CLTA: variants seen among roughly 807,000 people sequenced by gnomAD.
The protein encoded by CLTA is clathrin, light polypeptide (Lca).
CLTA carries 9 observed loss-of-function variants against 26.9 expected under a neutral mutation model. The ratio of observed to expected loss-of-function variants is 0.33; its 90% CI spans 0.20 to 0.58. The LOEUF (loss-of-function observed/expected upper bound fraction) is 0.58. Ranked by LOEUF, CLTA falls within the 20% of genes least tolerant of loss-of-function variation. The pLI, the probability that CLTA is intolerant of heterozygous loss-of-function variation, is 0.85. For missense variants in CLTA, 278 were observed against 294.2 expected (o/e 0.94, Z 0.40); for synonymous variants, 120 against 115.5 (o/e 1.04, Z -0.25).
intron 3 of CLTA, among the ~76,000 whole-genome samples, chr9:36,200,428 A>T (rs960594305): frequency 2.0e-5 from 3 of 152,256 alleles, no homozygotes; most frequent in South Asian, 2.1e-4. Flanking sequence ...TCCTAGAAAT[A>T]ATGACATTCT....
Position 36,191,214 on chromosome 9 carries a change from C to G in CLTA, c.158C>G (p.Ala53Gly). 3.2e-6 allele frequency: 5 copies of G among 1,558,316 alleles called. No homozygotes were observed. The highest frequency in any genetic ancestry group is 4.3e-6 in the Non-Finnish European group (5 of 1,155,820). ...IAGIENDEAF[A>G]ILDGGAPGPQ... ...GGCATCGAGAACGACGAGGCCTTCG[C>G]CATCCTGGACGGCGGCGCCCCCGGG... Residue 53 changes from alanine to glycine, a missense_variant, in exon 1 of 5, where the codon GCC becomes GGC. Ala to Gly is a moderately conservative substitution (Grantham distance 60, BLOSUM62 0). Transcript: ENST00000345519.
At position 36,192,062 on chromosome 9, in the gene CLTA, T is replaced by TA. The variant is rs144757146; in HGVS notation, c.217+791dup. On this transcript the variant is annotated intron_variant, in intron 1 of 4. Coordinates refer to ENST00000345519, the MANE Select transcript of CLTA (RefSeq NM_001833.4). Reference sequence around the variant, plus strand: ...ATGGCAGTTTGACCTTTGGATGCCTTAACCTGTGTGTGATGCTTAGGATCA... The same window carrying TA: ...ATGGCAGTTTGACCTTTGGATGCCTTAAACCTGTGTGTGATGCTTAGGATCA... 2.3e-4 allele frequency among the ~76,000 whole-genome samples: 35 copies of TA among 152,314 alleles called. No homozygotes were observed. The East Asian group carries it at 5.6e-3, about 24-fold the overall frequency.
At chr9:36,197,099 CA>C (rs1486050295) in intron 1 of CLTA, among the ~76,000 whole-genome samples, 3 of 152,172 alleles carry the variant, frequency 2.0e-5, no homozygotes, top group African/African-American at 7.2e-5. Flanking sequence ...CGCTTGAGCC[CA>C]AAAGGTCGAG....
intron 4 of CLTA, among the ~76,000 whole-genome samples, chr9:36,210,398 T>C (rs914838765): frequency 1.2e-4 from 18 of 152,284 alleles, no homozygotes; most frequent in African/African-American, 3.8e-4. Context: ...AGGTGGTGTT[T>C]GATTTGATTT....
chr9:36,191,513 G>A (rs1826718415), intron 1 of CLTA, among the ~76,000 whole-genome samples: 1 of 152,156 alleles, frequency 6.6e-6, no homozygotes, highest in South Asian at 2.1e-4. Context: ...GTGTAGGGTG[G>A]CAGGCTCCGG....
chr9:36,209,821 G>A (rs1221613276), intron 4 of CLTA, among the ~76,000 whole-genome samples: 1 of 152,204 alleles, frequency 6.6e-6, no homozygotes, highest in Non-Finnish European at 1.5e-5. Context: ...AAACAATGTG[G>A]GGTCGTTTGC....
At chr9:36,195,334 A>G (rs1563907045) in intron 1 of CLTA, among the ~76,000 whole-genome samples, 1 of 152,246 alleles carries the variant, frequency 6.6e-6, no homozygotes, top group Non-Finnish European at 1.5e-5. Context: ...ACCATAAACC[A>G]AATCAAAAGA....
At chr9:36,203,085 G>A (rs1331263264) in intron 3 of CLTA, among the ~76,000 whole-genome samples, 8 of 151,940 alleles carry the variant, frequency 5.3e-5, no homozygotes, top group Admixed American at 2.0e-4. Context: ...CACCTGCCTC[G>A]GCCTCCCAAA....
intron 3 of CLTA, among the ~76,000 whole-genome samples, chr9:36,200,471 C>CATA (rs1827342962): frequency 6.6e-6 from 1 of 152,100 alleles, no homozygotes; most frequent in African/African-American, 2.4e-5. Flanking sequence ...AGTATTATTC[C>CATA]CTCTTGGGAA....
chr9:36,200,468 T>C (rs1048475303), intron 3 of CLTA, among the ~76,000 whole-genome samples: 2 of 152,252 alleles, frequency 1.3e-5, no homozygotes, highest in Non-Finnish European at 2.9e-5. Context: ...AGCAGTATTA[T>C]TCCCTCTTGG....
At chr9:36,191,323 T>C (rs1205480443) in intron 1 of CLTA, 50 bp downstream of exon 1, 51 of 1,463,476 alleles carry the variant, frequency 3.5e-5, no homozygotes, top group Non-Finnish European at 4.6e-5. Flanking sequence ...GGAAACTCGG[T>C]CCACAGTGGG....
At chr9:36,202,472 A>G (rs921031591) in intron 3 of CLTA, among the ~76,000 whole-genome samples, 2 of 152,236 alleles carry the variant, frequency 1.3e-5, no homozygotes, top group African/African-American at 4.8e-5. Context: ...AACTCTGTCC[A>G]GATCACTGGT....
intron 3 of CLTA, among the ~76,000 whole-genome samples, chr9:36,199,655 C>T (rs551017705): frequency 2.0e-5 from 3 of 151,704 alleles, no homozygotes; most frequent in Admixed American, 1.3e-4. Context: ...AGGGTTTCAC[C>T]GTGTTAGCCA....
chr9:36,207,363 C>G (rs1447171398), intron 4 of CLTA, among the ~76,000 whole-genome samples: 1 of 152,260 alleles, frequency 6.6e-6, no homozygotes, highest in Non-Finnish European at 1.5e-5. Context: ...CAGAACATTT[C>G]CCCTATTACA....
chr9:36,191,629 A>G (rs1387749868), intron 1 of CLTA, among the ~76,000 whole-genome samples: 1 of 152,204 alleles, frequency 6.6e-6, no homozygotes, highest in African/African-American at 2.4e-5. Context: ...CCAGACTTAT[A>G]AGCTTATAAG....
intron 1 of CLTA, among the ~76,000 whole-genome samples, chr9:36,196,439 C>T (rs535081905): frequency 7.3e-5 from 11 of 151,232 alleles, no homozygotes; most frequent in South Asian, 2.1e-4. Flanking sequence ...CTCTGCCTCC[C>T]GAGTTCAAGC....
intron 2 of CLTA, among the ~76,000 whole-genome samples, chr9:36,198,328 A>G (rs1436873433): frequency 1.3e-5 from 2 of 151,696 alleles, no homozygotes; most frequent in East Asian, 3.9e-4. Context: ...TCACTGCAGA[A>G]CCCGTTTCTA....
intron 4 of CLTA, among the ~76,000 whole-genome samples, chr9:36,209,044 C>A (rs890534698): frequency 1.3e-5 from 2 of 152,216 alleles, no homozygotes; most frequent in African/African-American, 2.4e-5. Flanking sequence ...GTTGGCAGTG[C>A]TTGCTCTGTC....
At chr9:36,208,832 A>G (rs993034711) in intron 4 of CLTA, among the ~76,000 whole-genome samples, 2 of 152,202 alleles carry the variant, frequency 1.3e-5, no homozygotes, top group African/African-American at 4.8e-5. Flanking sequence ...TGAGTCCTGA[A>G]TGCTGCCACT....
Sources: allele counts gnomAD v4.1 joint callset (sites outside exome capture counted in the v4.1 genomes callset), GRCh38; gene constraint gnomAD v4.1.1; transcripts MANE v1.5; gene names NCBI Gene and HGNC (gene_info 2026-07-23, HGNC 2026-07-21).